ROBO2: variants seen among roughly 807,000 people sequenced by gnomAD.
The protein encoded by ROBO2 is roundabout homolog 2.
ROBO2 carries 53 observed loss-of-function variants against 160.8 expected under a neutral mutation model. That is an observed-to-expected ratio of 0.33 (90% confidence interval 0.26 to 0.41). The LOEUF is 0.41. ROBO2 is among the 10% of genes least tolerant of loss of function. The pLI, the probability that ROBO2 is intolerant of heterozygous loss-of-function variation, is 1.00. For missense variants in ROBO2, 1,577 were observed against 1,722.4 expected, an observed-to-expected ratio of 0.92 and a Z score of 1.49; for synonymous variants, 664 against 611.7, an observed-to-expected ratio of 1.09 and a Z score of -1.26.
At chr3:76,621,700 C>T (rs2089094382) in intron 2 of ROBO2, among the ~76,000 whole-genome samples, 1 of 152,064 alleles carries the variant, frequency 6.6e-6, no homozygotes, top group Admixed American at 6.5e-5. Context: ...GAAAATAGTT[C>T]CTGAAAAATA....
chr3:76,657,602 ATATATATATTCATATATATGTG>A (rs1185321932), intron 2 of ROBO2, among the ~76,000 whole-genome samples: 29,953 of 133,240 alleles, frequency 0.22, 8,179 homozygotes, highest in African/African-American at 0.34. Context: ...ATATATATGT[ATATATATATTCATATATATGTG>A]TATATATATT....
intron 2 of ROBO2, among the ~76,000 whole-genome samples, chr3:76,436,012 G>A (rs890218611): frequency 7.9e-5 from 12 of 152,016 alleles, no homozygotes; most frequent in Non-Finnish European, 1.8e-4. Context: ...TCCTGGTTCT[G>A]CCTCAACCAT....
Position 76,264,237 on chromosome 3 carries a change from TA to T in ROBO2, c.109+326644del, listed in dbSNP as rs562874983. On this transcript the variant is annotated intron_variant, in intron 2 of 26. Transcript: ENST00000487694. ...TGTATCTCAGAACTGAAAGTGAAAT[TA>T]AAAAAAAATAAAGAACTAAAATATT... Among the ~76,000 whole-genome samples, 15 of 150,144 alleles carry T rather than the reference TA, an allele frequency of 1.0e-4. No homozygotes were observed. The South Asian group carries it at 2.7e-3, about 27-fold the overall frequency.
intron 1 of ROBO2, among the ~76,000 whole-genome samples, chr3:77,077,837 G>A (rs368657837): frequency 2.6e-5 from 4 of 152,182 alleles, no homozygotes; most frequent in Middle Eastern, 3.4e-3. Flanking sequence ...ATCATTCCTG[G>A]GTATTCTAGA....
chr3:76,257,154 T>G (rs559174855), intron 2 of ROBO2, among the ~76,000 whole-genome samples: 6 of 152,148 alleles, frequency 3.9e-5, no homozygotes, highest in African/African-American at 1.4e-4. Flanking sequence ...CTCACAACAT[T>G]AGGGATTACA....
chr3:76,188,614 G>A (rs1344500753), intron 2 of ROBO2, among the ~76,000 whole-genome samples: 2 of 151,968 alleles, frequency 1.3e-5, no homozygotes, highest in Non-Finnish European at 2.9e-5. Flanking sequence ...ACTTTGCTAC[G>A]GAAGCCCTAA....
At chr3:76,494,837 G>A (rs2080052128) in intron 2 of ROBO2, among the ~76,000 whole-genome samples, 1 of 152,150 alleles carries the variant, frequency 6.6e-6, no homozygotes, top group South Asian at 2.1e-4. Context: ...GAAATATTCA[G>A]AATAGCTGAA....
chr3:77,206,353 G>T (rs1272588344), intron 2 of ROBO2, among the ~76,000 whole-genome samples: 1 of 151,918 alleles, frequency 6.6e-6, no homozygotes, highest in African/African-American at 2.4e-5. Context: ...CATTTTTGGT[G>T]GAGACGGGTT....
In ROBO2 at chr3:76,259,280, C is replaced by T. The variant is rs532969806; in HGVS notation, c.109+321678C>T. Reference sequence around the variant, plus strand: ...ACAGTAAATTAAATCTAATCTCCACCTCCTCATCAATGTTAGTCATTAACA... The same window carrying T: ...ACAGTAAATTAAATCTAATCTCCACTTCCTCATCAATGTTAGTCATTAACA... On this transcript the variant is annotated intron_variant, in intron 2 of 26. Coordinates refer to the ROBO2 transcript ENST00000487694. Among the ~76,000 whole-genome samples the T allele has an allele frequency of 7.9e-5, 12 of 152,102 alleles. No homozygotes were observed. The East Asian group carries it at 2.3e-3, about 29-fold the overall frequency.
intron 2 of ROBO2, among the ~76,000 whole-genome samples, chr3:77,116,145 A>C (rs12185957): frequency 0.25 from 37,286 of 152,078 alleles, 6,324 homozygotes; most frequent in African/African-American, 0.48. Context: ...GAAATCAGTA[A>C]TGTTTGTGGT....
intron 2 of ROBO2, among the ~76,000 whole-genome samples, chr3:77,408,510 G>T (rs35544060): frequency 0.12 from 18,384 of 152,070 alleles, 1,327 homozygotes; most frequent in East Asian, 0.25. Context: ...AAAGCAAATT[G>T]CAGGTAAGCA....
At chr3:76,379,205 ATAT>A (rs1472186392) in intron 2 of ROBO2, among the ~76,000 whole-genome samples, 1 of 152,202 alleles carries the variant, frequency 6.6e-6, no homozygotes, top group African/African-American at 2.4e-5. Context: ...GAAGTAATCG[ATAT>A]TATAAGCCAC....
intron 2 of ROBO2, among the ~76,000 whole-genome samples, chr3:77,252,831 A>AAATATATATATATATATAT: frequency 8.0e-5 from 1 of 12,526 alleles, no homozygotes; most frequent in African/African-American, 1.6e-4. Flanking sequence ...AAAAAAAAAA[A>AAATATATATATATATATAT]ATATATATAT....
Position 76,185,272 on chromosome 3 carries a change from A to G in ROBO2, c.109+247670A>G, listed in dbSNP as rs151033616. Among the ~76,000 whole-genome samples, 30 of 137,150 alleles carry G rather than the reference A, an allele frequency of 2.2e-4. No homozygotes were observed. The East Asian group carries it at 4.3e-3, about 20-fold the overall frequency. 90.0% of individuals were successfully genotyped at this position (137,150 alleles called of 152,430 possible). A position where few individuals can be genotyped will look rare whatever the true frequency, so the allele number is the denominator to read the frequency against. On this transcript the variant is annotated intron_variant, in intron 2 of 26. Coordinates refer to the ROBO2 transcript ENST00000487694. ...ATGTAATATGGATATACTGTCAACA[A>G]TAGCTTGGTAAACATTATTTACTGT...
intron 2 of ROBO2, among the ~76,000 whole-genome samples, chr3:76,468,712 C>T (rs1019412382): frequency 6.6e-6 from 1 of 152,016 alleles, no homozygotes; most frequent in African/African-American, 2.4e-5. Flanking sequence ...ATTGATAGCC[C>T]ATGTACCTAG....
intron 2 of ROBO2, among the ~76,000 whole-genome samples, chr3:76,171,561 G>C (rs535803864): frequency 2.4e-4 from 37 of 152,230 alleles, no homozygotes; most frequent in Admixed American, 1.2e-3. Flanking sequence ...AGAAGGGCCT[G>C]TGTGAGCAGT....
chr3:77,519,346 A>T (rs927513922), intron 5 of ROBO2, among the ~76,000 whole-genome samples: 2 of 151,142 alleles, frequency 1.3e-5, no homozygotes, highest in Admixed American at 6.6e-5. Flanking sequence ...AAAACTTTTA[A>T]TTTTTTTTAA....
chr3:76,535,306 G>A (rs2593870), intron 2 of ROBO2, among the ~76,000 whole-genome samples: 28,524 of 151,892 alleles, frequency 0.19, 6,758 homozygotes, highest in African/African-American at 0.56. Context: ...GGGGAGATGT[G>A]AGGAGAATTT....
chr3:77,632,573 C>T, intron 23 of ROBO2: 1 of 1,535,692 alleles, frequency 6.5e-7, no homozygotes, highest in Non-Finnish European at 8.7e-7. Context: ...TCTATCTTTG[C>T]CAGCGGCAGT....
Sources: allele counts gnomAD v4.1 joint callset (sites outside exome capture counted in the v4.1 genomes callset), GRCh38; gene constraint gnomAD v4.1.1; transcripts MANE v1.5; gene names NCBI Gene and HGNC (gene_info 2026-07-23, HGNC 2026-07-21).